The following KIF14 variants were observed in gnomAD, a reference collection of about 807,000 sequenced individuals.
KIF14 encodes kinesin-like protein KIF14.
Under a neutral mutation model 176.2 loss-of-function variants are expected in KIF14, and 98 were observed. The ratio of observed to expected loss-of-function variants is 0.56; its 90% confidence interval spans 0.47 to 0.66. KIF14 has a LOEUF of 0.66. KIF14 is among the 30% of genes least tolerant of loss of function. The pLI is 0.00. For synonymous variants in KIF14, 566 were observed against 632.2 expected (o/e 0.90, Z 1.57); for missense variants, 1,751 against 1,920.4 (o/e 0.91, Z 1.65).
At chr1:200,555,318 T>C in intron 28 of KIF14, 62 bp downstream of exon 28, 1 of 1,065,750 alleles carries the variant, frequency 9.4e-7, no homozygotes, top group South Asian at 1.4e-5. Flanking sequence ...AATATCTACA[T>C]TTGAACCAAG....
chr1:200,612,638 TAGA>T (rs906438259), intron 4 of KIF14, among the ~76,000 whole-genome samples: 1 of 152,068 alleles, frequency 6.6e-6, no homozygotes, highest in Non-Finnish European at 1.5e-5. Context: ...AGGTTGAGGG[TAGA>T]AGAAGACAGA....
At chr1:200,576,729 T>C (rs1022974569) in intron 21 of KIF14, among the ~76,000 whole-genome samples, 43 of 152,222 alleles carry the variant, frequency 2.8e-4, no homozygotes, top group Non-Finnish European at 5.1e-4. Flanking sequence ...TTTGGTATGA[T>C]TGCTTTCAGC....
In KIF14 at chr1:200,601,977, T is replaced by C. The variant is rs1659649435; in HGVS notation, c.2071A>G (p.Thr691Ala). 1.9e-6 allele frequency: 3 copies of C among 1,613,978 alleles called. No individual in the cohort carries two copies. The highest frequency in any genetic ancestry group is 2.5e-6 in the Non-Finnish European group (3 of 1,179,904). Residue 691 changes from threonine to alanine, a missense_variant, in exon 11 of 30, where the codon ACA becomes GCA. Thr to Ala is a moderately conservative substitution (Grantham distance 58). Coordinates refer to ENST00000367350, the MANE Select transcript of KIF14 (RefSeq NM_014875.3). ...CGGGCTTGGTTAGCATATCTAAGTG[T>C]GCTTAATGTTTCTTCTATGTTGCTG... ...AASNIEETLSTLRYANQARLI... is the reference protein window; with the variant it reads ...AASNIEETLSALRYANQARLI...
intron 23 of KIF14, among the ~76,000 whole-genome samples, chr1:200,568,898 T>C (rs1291661758): frequency 3.3e-5 from 5 of 151,878 alleles, no homozygotes; most frequent in Non-Finnish European, 7.4e-5. Flanking sequence ...TGCTGCATAG[T>C]AGTCTATTGT....
At chr1:200,576,334 C>T (rs1271361134) in intron 21 of KIF14, among the ~76,000 whole-genome samples, 1 of 151,754 alleles carries the variant, frequency 6.6e-6, no homozygotes, top group Admixed American at 6.6e-5. Context: ...AAAAATTAGC[C>T]GGGCGTGGTA....
chr1:200,598,188 C>T (rs761779799), intron 14 of KIF14, 49 bp downstream of exon 14: 22 of 1,497,122 alleles, frequency 1.5e-5, no homozygotes, highest in Admixed American at 1.0e-4. Flanking sequence ...CACATGTTAT[C>T]AAGATATAGA....
chr1:200,581,846 G>A (rs915258605), intron 19 of KIF14, among the ~76,000 whole-genome samples: 1 of 141,486 alleles, frequency 7.1e-6, no homozygotes, highest in Non-Finnish European at 1.5e-5. Context: ...ATGGCTCACT[G>A]CAGCCTTGAC....
At chr1:200,574,104 A>T (rs1346218196) in intron 22 of KIF14, among the ~76,000 whole-genome samples, 3 of 152,166 alleles carry the variant, frequency 2.0e-5, no homozygotes. Flanking sequence ...TCTACTTCAT[A>T]GGTTTGTGGT....
intron 27 of KIF14, among the ~76,000 whole-genome samples, chr1:200,558,191 G>C (rs1656942236): frequency 6.6e-6 from 1 of 152,194 alleles, no homozygotes; most frequent in Non-Finnish European, 1.5e-5. Flanking sequence ...CTGGGCTCAA[G>C]CTGTCTTCCT....
rs113594886 is a variant in KIF14, at chr1:200,580,224, A to G, written c.3465+30T>C. On this transcript the variant is annotated intron_variant, in intron 21 of 29. Coordinates refer to ENST00000367350, the MANE Select transcript of KIF14 (RefSeq NM_014875.3). ...CTTTTATACTTTTTTATTTTAAAAA[A>G]TTTATAGAGATTTTAATAATATTCC... 12 of 1,194,766 alleles carry G rather than the reference A, an allele frequency of 1.0e-5. No homozygotes were observed. The African/African-American group carries it at 1.1e-4, about 11-fold the overall frequency. The allele number at this position is 1,194,766 out of a possible 1,614,324, so 74.0% of individuals were successfully genotyped here.
intron 19 of KIF14, among the ~76,000 whole-genome samples, chr1:200,583,220 GT>G (rs201280893): frequency 2.0e-5 from 3 of 150,612 alleles, no homozygotes; most frequent in Non-Finnish European, 3.0e-5. Flanking sequence ...AACAAATCAA[GT>G]TTTTTTTTTA....
intron 4 of KIF14, among the ~76,000 whole-genome samples, chr1:200,611,135 G>A (rs537080601): frequency 3.1e-4 from 47 of 152,278 alleles, no homozygotes; most frequent in African/African-American, 1.1e-3. Context: ...CTGACAGTTA[G>A]GGCATGGTTT....
rs1417553934 is a variant in KIF14, at chr1:200,615,603, C to A, written c.1119G>T (p.Lys373Asn). ...VRVRPFTKRE[K>N]IEKASQVVFM... ...AGACTACCTGGGATGCTTTTTCAAT[C>A]TTCTCTCTTGAAAGAAGCACAAAGA... Residue 373 changes from lysine to asparagine, a missense_variant, in exon 3 of 30, where the codon AAG (lysine) becomes AAT (asparagine). Lys to Asn is a moderately conservative substitution (Grantham distance 94). Transcript: ENST00000367350. 1 of 1,607,434 alleles carries A rather than the reference C, an allele frequency of 6.2e-7. No homozygotes were observed. Among genetic ancestry groups the A allele is most frequent in the South Asian group, 1.1e-5 (1 of 89,764 alleles).
chr1:200,598,122 G>T (rs1659450429), intron 14 of KIF14, 115 bp downstream of exon 14: 1 of 869,510 alleles, frequency 1.2e-6, no homozygotes, highest in Non-Finnish European at 1.8e-6. Context: ...TAAACAATGG[G>T]TTTGAAGAAT....
At position 200,572,635 on chromosome 1, in the gene KIF14, A is replaced by G. The variant is rs975321781; in HGVS notation, c.3567-2630T>C. On this transcript the variant is annotated intron_variant, in intron 22 of 29. Coordinates refer to ENST00000367350, the MANE Select transcript of KIF14 (RefSeq NM_014875.3). ...TGGGATTACAAGCATGAGCCACTGC[A>G]CCCAGCCCCGGTAGGCTAAACGTTT... Among the ~76,000 whole-genome samples the G allele has an allele frequency of 6.6e-5, 10 of 152,180 alleles. 1 individual carries two copies. Among genetic ancestry groups the G allele is most frequent in the Non-Finnish European group, 1.0e-4 (7 of 68,018 alleles).
chr1:200,613,945 CTT>C (rs1660281094), intron 4 of KIF14, among the ~76,000 whole-genome samples: 1 of 152,198 alleles, frequency 6.6e-6, no homozygotes, highest in African/African-American at 2.4e-5. Context: ...TTTCACTACT[CTT>C]TCTGATTCAC....
intron 24 of KIF14, 53 bp from the exon 25 acceptor site, chr1:200,565,306 C>G: frequency 6.6e-7 from 1 of 1,507,270 alleles, no homozygotes; most frequent in African/African-American, 1.4e-5. Flanking sequence ...AATAAAAGAA[C>G]TCATATATGA....
chr1:200,603,859 T>C lies in KIF14; in HGVS notation c.1843A>G (p.Thr615Ala). Residue 615 changes from threonine to alanine, a missense_variant, in exon 9 of 30, where the codon ACT (threonine) becomes GCT (alanine). Physicochemically the swap from Thr to Ala is moderately conservative, Grantham distance 58. Transcript: ENST00000367350. ...TTTACCTTTAGTCGATCTCCATTAG[T>C]GTGAGCCGTAGAGCAGCGCTCACTG... ...AGSERCSTAH[T>A]NGDRLKEGVS... 6.2e-7 allele frequency: 1 copy of C among 1,604,818 alleles called. No individual in the cohort carries two copies. Among genetic ancestry groups the C allele is most frequent in the Non-Finnish European group, 8.5e-7 (1 of 1,171,460 alleles).
chr1:200,612,524 C>G (rs1426596771), intron 4 of KIF14, among the ~76,000 whole-genome samples: 1 of 152,166 alleles, frequency 6.6e-6, no homozygotes, highest in East Asian at 1.9e-4. Flanking sequence ...CTTATGCCCA[C>G]TAAACTTGGA....
Sources: gnomAD v4.1 joint callset for allele counts (sites outside exome capture counted in the v4.1 genomes callset) on GRCh38, gnomAD v4.1.1 for gene constraint, MANE v1.5 for transcripts, NCBI Gene and HGNC (gene_info 2026-07-23, HGNC 2026-07-21) for gene names.